The following SHANK2 variants were observed in gnomAD, a reference collection of about 807,000 sequenced individuals.
SHANK2 encodes the protein SH3 and multiple ankyrin repeat domains 2.
A neutral mutation model predicts 133.7 loss-of-function variants in SHANK2; 43 were observed. That is an observed-to-expected ratio of 0.32 (90% confidence interval 0.25 to 0.41). The LOEUF is 0.41. Ranked by LOEUF, SHANK2 falls within the 10% of genes least tolerant of loss-of-function variation. The pLI is 1.00. For missense variants in SHANK2, 1,994 were observed against 2,235.8 expected (o/e 0.89, Z 2.18); for synonymous variants, 1,017 against 952.8 (o/e 1.07, Z -1.24).
chr11:70,523,391 T>G (rs1591533923), intron 17 of SHANK2, among the ~76,000 whole-genome samples: 1 of 152,192 alleles, frequency 6.6e-6, no homozygotes, highest in African/African-American at 2.4e-5. Flanking sequence ...CACTGTCAGG[T>G]GAGTTTGTGA....
At chr11:70,577,869 G>C (rs931099464) in intron 17 of SHANK2, among the ~76,000 whole-genome samples, 1 of 152,220 alleles carries the variant, frequency 6.6e-6, no homozygotes, top group Non-Finnish European at 1.5e-5. Context: ...ATTAGGGTGG[G>C]CCCTGACCTA....
chr11:70,930,694 C>G (rs1950491611), intron 10 of SHANK2, among the ~76,000 whole-genome samples: 1 of 129,708 alleles, frequency 7.7e-6, no homozygotes, highest in Non-Finnish European at 1.6e-5. Flanking sequence ...GACAATGTCT[C>G]ACTCAGTTTC....
rs938255093 is a variant in SHANK2, at chr11:70,573,045, C to T, written c.2062-70114G>A. On this transcript the variant is annotated intron_variant, in intron 17 of 25. Coordinates refer to ENST00000601538, the MANE Select transcript of SHANK2 (RefSeq NM_012309.5). ...AAATTGTGGGCCATCGACATGATGA[C>T]GGCCCATCACTCGGCAACGCGAAGG... Among the ~76,000 whole-genome samples, 51 of 152,048 alleles carry T rather than the reference C, an allele frequency of 3.4e-4. 1 individual carries two copies. The highest frequency in any genetic ancestry group is 8.3e-4 in the South Asian group (4 of 4,824).
At chr11:71,206,952 T>G (rs117802853) in intron 2 of SHANK2, among the ~76,000 whole-genome samples, 5,310 of 151,912 alleles carry the variant, frequency 0.035, 117 homozygotes, top group Middle Eastern at 0.038. Flanking sequence ...CAGGCATGGT[T>G]GTGCATGCCT....
chr11:70,659,510 C>T (rs1158387093), intron 17 of SHANK2, among the ~76,000 whole-genome samples: 4 of 152,268 alleles, frequency 2.6e-5, no homozygotes, highest in East Asian at 1.9e-4. Context: ...ACTAAACCAC[C>T]CACAGGTCTG....
chr11:70,482,247 G>A (rs1555151864), intron 25 of SHANK2, among the ~76,000 whole-genome samples: 1 of 152,190 alleles, frequency 6.6e-6, no homozygotes, highest in East Asian at 1.9e-4. Context: ...ATGGCCTCTG[G>A]GAGCTTGGCA....
chr11:71,175,460 G>A lies in SHANK2; in HGVS notation c.-12-28122C>T, dbSNP rs1953412241. Reference sequence around the variant, plus strand: ...AAGAAAAAGAGGGAGAGGAGGGGGAGAAATAGACCAAGGCTGGTGAAAGAG... The same window carrying A: ...AAGAAAAAGAGGGAGAGGAGGGGGAAAAATAGACCAAGGCTGGTGAAAGAG... On this transcript the variant is annotated intron_variant, in intron 2 of 25. Transcript: ENST00000601538. The surrounding 1 kb of genome is among the most constrained non-coding windows in gnomAD (Gnocchi z 4.2). Among the ~76,000 whole-genome samples the A allele has an allele frequency of 6.6e-6, 1 of 151,724 alleles. No homozygotes were observed. Among genetic ancestry groups the A allele is most frequent in the Non-Finnish European group, 1.5e-5 (1 of 67,952 alleles).
intron 17 of SHANK2, among the ~76,000 whole-genome samples, chr11:70,513,895 G>C (rs1190130959): frequency 6.6e-6 from 1 of 152,112 alleles, no homozygotes; most frequent in Non-Finnish European, 1.5e-5. Flanking sequence ...ACGTGAACGA[G>C]AGTCTCAGAA....
chr11:70,681,255 G>A (rs563326134), intron 15 of SHANK2, among the ~76,000 whole-genome samples: 2 of 152,226 alleles, frequency 1.3e-5, no homozygotes, highest in East Asian at 1.9e-4. Context: ...GTCTGACGGC[G>A]GAAACCCCCT....
chr11:70,686,025 A>G (rs1945140152), intron 15 of SHANK2, among the ~76,000 whole-genome samples: 7 of 141,480 alleles, frequency 4.9e-5, no homozygotes, highest in Admixed American at 4.9e-4. Flanking sequence ...CTATCCAGCC[A>G]TGCCCCCACC....
intron 6 of SHANK2, 69 bp from the exon 7 acceptor site, chr11:71,094,757 T>C (rs1951578045): frequency 2.0e-6 from 3 of 1,472,684 alleles, no homozygotes; most frequent in Non-Finnish European, 2.8e-6. Context: ...CATATTCAGA[T>C]GCCCAAAACT....
chr11:70,649,919 C>T (rs934467794), intron 17 of SHANK2, among the ~76,000 whole-genome samples: 2 of 152,158 alleles, frequency 1.3e-5, no homozygotes, highest in African/African-American at 4.8e-5. Flanking sequence ...CCTGGAGGGC[C>T]CTGGGCAGGC....
intron 10 of SHANK2, among the ~76,000 whole-genome samples, chr11:70,926,597 C>T (rs1950430740): frequency 6.6e-6 from 1 of 152,160 alleles, no homozygotes; most frequent in Admixed American, 6.5e-5. Flanking sequence ...CCATTCCATA[C>T]AGCAAAACCA....
intron 17 of SHANK2, among the ~76,000 whole-genome samples, chr11:70,626,584 C>G (rs2060908503): frequency 6.6e-6 from 1 of 152,220 alleles, no homozygotes; most frequent in Admixed American, 6.5e-5. Flanking sequence ...GTCAGTCAGT[C>G]TCATCTGGTC....
In SHANK2 at chr11:70,686,531, C is replaced by T. The variant is rs1346127141; in HGVS notation, c.1853+12157G>A. Among the ~76,000 whole-genome samples, 4 of 152,156 alleles carry T rather than the reference C, an allele frequency of 2.6e-5. No individual in the cohort carries two copies. The East Asian group carries it at 5.8e-4, about 22-fold the overall frequency. Reference sequence around the variant, plus strand: ...TCTATCCATCCATCTTCTCACCTCTCTCTCCACTCAACTCTCCATTCTCTG... The same window carrying T: ...TCTATCCATCCATCTTCTCACCTCTTTCTCCACTCAACTCTCCATTCTCTG... On this transcript the variant is annotated intron_variant, in intron 15 of 25. Transcript: ENST00000601538.
chr11:71,165,278 C>T (rs1953118662), intron 2 of SHANK2, among the ~76,000 whole-genome samples: 1 of 152,190 alleles, frequency 6.6e-6, no homozygotes, highest in Non-Finnish European at 1.5e-5. Context: ...AAGCCATCCG[C>T]CCGCCTTGGC....
intron 3 of SHANK2, among the ~76,000 whole-genome samples, chr11:71,138,839 TGA>T (rs1288257048): frequency 6.7e-6 from 1 of 148,224 alleles, no homozygotes; most frequent in Non-Finnish European, 1.5e-5. Context: ...AAGAAAAATC[TGA>T]GAGTCCATTT....
chr11:70,696,912 A>G (rs782337730), intron 15 of SHANK2, among the ~76,000 whole-genome samples: 4 of 152,264 alleles, frequency 2.6e-5, no homozygotes, highest in South Asian at 2.1e-4. Context: ...CGTCCATACA[A>G]TGAAACATTA....
intron 10 of SHANK2, among the ~76,000 whole-genome samples, chr11:70,904,881 A>T (rs940779500): frequency 6.6e-5 from 10 of 152,110 alleles, no homozygotes; most frequent in Admixed American, 2.0e-4. Context: ...GTAAGATGTG[A>T]CTTGCCCCTC....
Sources: allele counts gnomAD v4.1 joint callset (sites outside exome capture counted in the v4.1 genomes callset), GRCh38; gene constraint gnomAD v4.1.1; non-coding constraint Gnocchi (gnomAD v3.1); transcripts MANE v1.5; gene names NCBI Gene and HGNC (gene_info 2026-07-23, HGNC 2026-07-21).